BLK: variants seen among roughly 807,000 people sequenced by gnomAD.
BLK encodes the protein BLK proto-oncogene, Src family tyrosine kinase, also known as tyrosine-protein kinase Blk.
In BLK, 64 loss-of-function variants were observed where a neutral mutation model predicts 61.8. The ratio of observed to expected loss-of-function variants is 1.03; its 90% confidence interval spans 0.85 to 1.27. The LOEUF (loss-of-function observed/expected upper bound fraction) is 1.27, where lower values mean the gene tolerates loss of function less well. Ranked by LOEUF, BLK falls within the 50% of genes most tolerant of loss-of-function variation. BLK has a pLI of 0.00. For synonymous variants in BLK, 351 were observed against 272.0 expected (o/e 1.29, Z -2.86); for missense variants, 853 against 660.5 (o/e 1.29, Z -3.19).
intron 1 of BLK, among the ~76,000 whole-genome samples, chr8:11,518,914 A>C (rs1799330508): frequency 6.6e-6 from 1 of 152,050 alleles, no homozygotes; most frequent in Admixed American, 6.5e-5. Flanking sequence ...CTTGCCACTG[A>C]AGACTCCAGC....
chr8:11,519,410 A>G (rs1799351870), intron 1 of BLK, among the ~76,000 whole-genome samples: 1 of 152,248 alleles, frequency 6.6e-6, no homozygotes, highest in South Asian at 2.1e-4. Context: ...GAAAAATTCT[A>G]AAATGTAGGC....
At chr8:11,511,566 T>A (rs1445278527) in intron 1 of BLK, among the ~76,000 whole-genome samples, 1 of 152,220 alleles carries the variant, frequency 6.6e-6, no homozygotes, top group Non-Finnish European at 1.5e-5. Context: ...AACACAAGTG[T>A]GTATACCTGG....
At chr8:11,504,729 CCT>C (rs1400339036) in intron 1 of BLK, among the ~76,000 whole-genome samples, 1 of 152,212 alleles carries the variant, frequency 6.6e-6, no homozygotes, top group Non-Finnish European at 1.5e-5. Flanking sequence ...GAGTGTGCCC[CCT>C]GTTCCCACCC....
intron 1 of BLK, among the ~76,000 whole-genome samples, chr8:11,507,918 C>G (rs1031143761): frequency 6.6e-6 from 1 of 152,276 alleles, no homozygotes; most frequent in East Asian, 1.9e-4. Context: ...GTTCAGGGCC[C>G]AGCACTGCTA....
intron 1 of BLK, among the ~76,000 whole-genome samples, chr8:11,535,296 G>GAAAGAAAGAAAGAAAGAAAA (rs1800079814): frequency 7.0e-6 from 1 of 143,470 alleles, no homozygotes; most frequent in African/African-American, 2.5e-5. Context: ...AAGAAAGAAA[G>GAAAGAAAGAAAGAAAGAAAA]AAAGAAAGAA....
intron 10 of BLK, chr8:11,558,687 C>G (rs1563123570): frequency 2.2e-6 from 1 of 456,288 alleles, no homozygotes; most frequent in Non-Finnish European, 4.4e-6. Flanking sequence ...GGGTGAAGAG[C>G]AGAGTGGAGA....
chr8:11,527,207 A>G (rs1337306154), intron 1 of BLK, among the ~76,000 whole-genome samples: 2 of 152,062 alleles, frequency 1.3e-5, no homozygotes, highest in Non-Finnish European at 2.9e-5. Context: ...AAAACTCCAT[A>G]CCCTTCAATG....
At chr8:11,556,110 G>C (rs1414183111) in intron 8 of BLK, 1 of 226,576 alleles carries the variant, frequency 4.4e-6, no homozygotes, top group African/African-American at 2.3e-5. Flanking sequence ...CTGTACCCAG[G>C]TCCCTGCCAA....
At chr8:11,549,262 C>G (rs894514836) in intron 5 of BLK, 140 bp downstream of exon 5, 5 of 795,698 alleles carry the variant, frequency 6.3e-6, no homozygotes, top group Admixed American at 4.0e-5. Flanking sequence ...GAAATGAGCT[C>G]TGCTGGGAAA....
At chr8:11,562,914 G>C in intron 11 of BLK, 65 bp from the exon 12 acceptor site, 1 of 1,608,218 alleles carries the variant, frequency 6.2e-7, no homozygotes, top group East Asian at 2.2e-5. Flanking sequence ...CAGGGGTAGG[G>C]GTGAGGATGG....
intron 1 of BLK, 44 bp from the exon 2 acceptor site, chr8:11,543,180 G>T: frequency 6.2e-7 from 1 of 1,612,318 alleles, no homozygotes; most frequent in Non-Finnish European, 8.5e-7. Flanking sequence ...AGGATCTGAG[G>T]CCCCGCTCTC....
At chr8:11,553,411 A>G (rs571203307) in intron 6 of BLK, 10 of 450,382 alleles carry the variant, frequency 2.2e-5, no homozygotes, top group Admixed American at 2.1e-4. Flanking sequence ...TGAAGCTGAT[A>G]GGATCTGAGG....
intron 1 of BLK, among the ~76,000 whole-genome samples, chr8:11,526,244 A>C (rs777881129): frequency 3.3e-5 from 5 of 152,114 alleles, no homozygotes; most frequent in Non-Finnish European, 5.9e-5. Flanking sequence ...CTAGATTTTT[A>C]TCAGCTGTTT....
chr8:11,546,241 G>T (rs572835699), intron 3 of BLK, 138 bp downstream of exon 3: 437 of 1,035,320 alleles, frequency 4.2e-4, no homozygotes, highest in Admixed American at 9.6e-4. Context: ...GAGAGGCCCC[G>T]GCTCTGTGCC....
chr8:11,554,214 A>T (rs1016229040), intron 6 of BLK: 1 of 166,990 alleles, frequency 6.0e-6, no homozygotes, highest in East Asian at 1.5e-4. Context: ...CTAGAAGACA[A>T]AATAACAGGT....
intron 1 of BLK, among the ~76,000 whole-genome samples, chr8:11,503,825 C>T (rs1466736967): frequency 2.0e-5 from 3 of 152,120 alleles, no homozygotes; most frequent in Non-Finnish European, 4.4e-5. Flanking sequence ...GTGAAAGGGG[C>T]CATCTTCCAC....
At chr8:11,532,822 G>C (rs374971874) in intron 1 of BLK, among the ~76,000 whole-genome samples, 2 of 152,192 alleles carry the variant, frequency 1.3e-5, no homozygotes, top group African/African-American at 4.8e-5. Flanking sequence ...ATTAGTGAGC[G>C]CTGAATATTA....
At chr8:11,512,164 C>G (rs1378331226) in intron 1 of BLK, among the ~76,000 whole-genome samples, 1 of 152,134 alleles carries the variant, frequency 6.6e-6, no homozygotes, top group Non-Finnish European at 1.5e-5. Flanking sequence ...TGCTACTGGT[C>G]TGTAAGAAGC....
At chr8:11,537,617 C>T (rs1246957238) in intron 1 of BLK, among the ~76,000 whole-genome samples, 5 of 152,198 alleles carry the variant, frequency 3.3e-5, no homozygotes, top group Non-Finnish European at 7.3e-5. Flanking sequence ...GACAGTAACA[C>T]CCTCCAGCTG....
Sources: gnomAD v4.1 joint callset for allele counts (sites outside exome capture counted in the v4.1 genomes callset) on GRCh38, gnomAD v4.1.1 for gene constraint, MANE v1.5 for transcripts, NCBI Gene and HGNC (gene_info 2026-07-23, HGNC 2026-07-21) for gene names.